The following KIF5B variants were observed in gnomAD, a reference collection of about 807,000 sequenced individuals.
KIF5B encodes the protein kinesin family member 5B.
KIF5B carries 49 observed loss-of-function variants against 132.8 expected under a neutral mutation model. That is an observed-to-expected ratio of 0.37 (90% CI 0.29 to 0.47). The LOEUF is 0.47. Ranked by LOEUF, KIF5B falls within the 20% of genes least tolerant of loss-of-function variation. The pLI is 1.00. For synonymous variants in KIF5B, 355 were observed against 369.4 expected (o/e 0.96, Z 0.45); for missense variants, 780 against 1,144.0 (o/e 0.68, Z 4.59).
chr10:32,036,212 C>A (rs1441784658), intron 8 of KIF5B, among the ~76,000 whole-genome samples: 1 of 152,090 alleles, frequency 6.6e-6, no homozygotes, highest in Non-Finnish European at 1.5e-5. Flanking sequence ...TTTGTAGGTA[C>A]TCTTGAAAAT....
intron 25 of KIF5B, among the ~76,000 whole-genome samples, chr10:32,013,837 T>C (rs1258269802): frequency 6.6e-6 from 1 of 152,198 alleles, no homozygotes; most frequent in Non-Finnish European, 1.5e-5. Context: ...GGATTCCAAC[T>C]TGGATGGAAC....
intron 24 of KIF5B, among the ~76,000 whole-genome samples, chr10:32,015,988 A>C (rs905046602): frequency 2.6e-5 from 4 of 151,966 alleles, no homozygotes; most frequent in African/African-American, 7.3e-5. Context: ...TACAGAATAT[A>C]AAAAAATTAG....
At chr10:32,054,830 C>CT (rs1242074313) in intron 1 of KIF5B, among the ~76,000 whole-genome samples, 1 of 152,108 alleles carries the variant, frequency 6.6e-6, no homozygotes, top group Non-Finnish European at 1.5e-5. Context: ...GAGATCAGAC[C>CT]TTTAAAAACC....
intron 2 of KIF5B, among the ~76,000 whole-genome samples, chr10:32,047,469 G>A (rs211290): frequency 0.1 from 15,148 of 152,066 alleles, 856 homozygotes; most frequent in Non-Finnish European, 0.12. Flanking sequence ...CCTTGAGTGG[G>A]CCCTTAATAC....
rs780815861 is a variant in KIF5B, at chr10:32,022,953, G to A, written c.1809C>T (p.Thr603=). ...YISKMKSEVK[T]MVKRCKQLES... is the part of the protein sequence containing the mutation. ...CTAACTGCTTGCAACGTTTCACCAT[G>A]GTTTTTACTTCTGACTTCATTTTGC... The change falls in exon 16 of 26, where the codon ACC becomes ACT. Residue 603 remains threonine, a synonymous_variant. Coordinates refer to ENST00000302418, the MANE Select transcript of KIF5B (RefSeq NM_004521.3). 2.5e-6 allele frequency: 4 copies of A among 1,613,196 alleles called. No individual in the cohort carries two copies. Among genetic ancestry groups the A allele is most frequent in the Non-Finnish European group, 3.4e-6 (4 of 1,179,452 alleles).
intron 13 of KIF5B, among the ~76,000 whole-genome samples, chr10:32,032,122 T>A (rs1841410669): frequency 6.6e-6 from 1 of 151,810 alleles, no homozygotes; most frequent in Admixed American, 6.6e-5. Flanking sequence ...TATCCGGAAA[T>A]CTGTGGGAGT....
At chr10:32,028,626 T>A (rs1841362354) in intron 14 of KIF5B, 55 bp from the exon 15 acceptor site, 2 of 1,444,426 alleles carry the variant, frequency 1.4e-6, no homozygotes, top group Non-Finnish European at 9.6e-7. Flanking sequence ...AAAATTCAAA[T>A]CAAATACTCA....
Position 32,017,180 on chromosome 10 carries a change from TG to T in KIF5B, c.2723del (p.Ser908Ter), listed in dbSNP as rs768127731. On this transcript the variant is annotated frameshift_variant, in exon 24 of 26. Coordinates refer to ENST00000302418, the MANE Select transcript of KIF5B (RefSeq NM_004521.3). LOFTEE classifies it high-confidence loss of function. ...EVDRIKEAVRSKNMARRGHSA... is the reference protein window; with the variant it reads ...EVDRIKEAVRXKNMARRGHSA... ...AATGCCCTCTTCTGGCCATATTCTT[TG>T]ACCTGACTGCTTCCTTTATGCGATC... The T allele has an allele frequency of 6.2e-7, 1 of 1,614,118 alleles. No individual in the cohort carries two copies. Among genetic ancestry groups the T allele is most frequent in the Non-Finnish European group, 8.5e-7 (1 of 1,180,036 alleles).
At chr10:32,039,994 T>C (rs1841511336) in intron 3 of KIF5B, among the ~76,000 whole-genome samples, 1 of 152,164 alleles carries the variant, frequency 6.6e-6, no homozygotes, top group Non-Finnish European at 1.5e-5. Flanking sequence ...GCAACATTCT[T>C]ATCAGAGAAG....
chr10:32,042,571 ACTC>A (rs1459928828), intron 2 of KIF5B, among the ~76,000 whole-genome samples: 2 of 152,168 alleles, frequency 1.3e-5, no homozygotes, highest in African/African-American at 4.8e-5. Context: ...ACCGTGTTTA[ACTC>A]CTAACACAGT....
At position 32,031,517 on chromosome 10, in the gene KIF5B, T is replaced by C. The variant is rs78365629; in HGVS notation, c.1375-238A>G. Among the ~76,000 whole-genome samples the C allele has an allele frequency of 2.2e-3, 329 of 152,102 alleles. 1 individual carries two copies. Among genetic ancestry groups the C allele is most frequent in the African/African-American group, 7.5e-3 (313 of 41,504 alleles). Reference sequence around the variant, plus strand: ...TTAAGGAACACAGTAGAAGAGAAGATAGGCACATGAATAAGTGCAGTACAA... The same window carrying C: ...TTAAGGAACACAGTAGAAGAGAAGACAGGCACATGAATAAGTGCAGTACAA... On this transcript the variant is annotated intron_variant, in intron 13 of 25. Transcript: ENST00000302418.
At chr10:32,045,050 A>G (rs1841592031) in intron 2 of KIF5B, among the ~76,000 whole-genome samples, 1 of 152,226 alleles carries the variant, frequency 6.6e-6, no homozygotes, top group Admixed American at 6.5e-5. Context: ...TAATAGATGC[A>G]TGTATCCTAA....
Position 32,056,044 on chromosome 10 carries a change from C to T in KIF5B, c.-71G>A. On this transcript the variant is annotated 5_prime_UTR_variant, in exon 1 of 26. Coordinates refer to ENST00000302418, the MANE Select transcript of KIF5B (RefSeq NM_004521.3). ...TCAGTCTTGCAGGGAACGCGCCGGA[C>T]CTGAGGGCTTGTGGTCGCGAGGGCC... 5 of 1,571,600 alleles carry T rather than the reference C, an allele frequency of 3.2e-6. No individual in the cohort carries two copies. The South Asian group carries it at 4.5e-5, about 14-fold the overall frequency.
At position 32,044,722 on chromosome 10, in the gene KIF5B, C is replaced by T. The variant is rs149463655; in HGVS notation, c.214+3742G>A. On this transcript the variant is annotated intron_variant, in intron 2 of 25. Transcript: ENST00000302418. ...AGACAACGACAGAGGACACAATTAG[C>T]AGCTGATACCTGTATTGTGCTTAAC... Among the ~76,000 whole-genome samples the T allele has an allele frequency of 8.3e-3, 1,259 of 152,126 alleles. 13 individuals carry two copies. Among genetic ancestry groups the T allele is most frequent in the African/African-American group, 0.029 (1,183 of 41,508 alleles).
chr10:32,026,398 A>G (rs1281813311), intron 15 of KIF5B, among the ~76,000 whole-genome samples: 1 of 133,738 alleles, frequency 7.5e-6, no homozygotes, highest in African/African-American at 2.7e-5. Context: ...AGATCGCACT[A>G]CTGCACTCCA....
intron 1 of KIF5B, among the ~76,000 whole-genome samples, chr10:32,049,049 G>A (rs1160710941): frequency 1.3e-5 from 2 of 151,972 alleles, no homozygotes; most frequent in East Asian, 3.9e-4. Context: ...GGCTTGTCTT[G>A]AACTTCTGGG....
chr10:32,039,867 CAAAT>C (rs894586233), intron 3 of KIF5B, among the ~76,000 whole-genome samples: 1 of 152,140 alleles, frequency 6.6e-6, no homozygotes, highest in South Asian at 2.1e-4. Flanking sequence ...ATAGTACACT[CAAAT>C]AAATGATAAA....
intron 2 of KIF5B, among the ~76,000 whole-genome samples, chr10:32,044,572 T>A (rs1238925475): frequency 1.3e-5 from 2 of 152,072 alleles, no homozygotes; most frequent in African/African-American, 2.4e-5. Context: ...CTCAGGAGGC[T>A]GAGGCAGGAG....
chr10:32,016,371 G>C (rs974806546), intron 24 of KIF5B, among the ~76,000 whole-genome samples: 1 of 151,924 alleles, frequency 6.6e-6, no homozygotes, highest in African/African-American at 2.4e-5. Context: ...CAGGAGAATC[G>C]CTTGAACCCA....
Sources: allele counts gnomAD v4.1 joint callset (sites outside exome capture counted in the v4.1 genomes callset), GRCh38; gene constraint gnomAD v4.1.1; transcripts MANE v1.5; gene names NCBI Gene and HGNC (gene_info 2026-07-23, HGNC 2026-07-21).